MEIOC: variants seen among roughly 807,000 people sequenced by gnomAD.
The protein encoded by MEIOC is meiosis specific with coiled-coil domain.
Under a neutral mutation model 85.3 loss-of-function variants are expected in MEIOC, and 9 were observed. The ratio of observed to expected loss-of-function variants is 0.11; its 90% CI spans 0.06 to 0.18. The LOEUF (loss-of-function observed/expected upper bound fraction) is 0.18. MEIOC is among the 10% of genes least tolerant of loss of function. The pLI, the probability that MEIOC is intolerant of heterozygous loss-of-function variation, is 1.00. For missense variants in MEIOC, 898 were observed against 1,129.4 expected (o/e 0.80, Z 2.94); for synonymous variants, 365 against 393.7 (o/e 0.93, Z 0.86).
intron 2 of MEIOC, among the ~76,000 whole-genome samples, chr17:44,658,023 T>C (rs532038305): frequency 6.6e-6 from 1 of 151,494 alleles, no homozygotes; most frequent in Admixed American, 6.6e-5. Flanking sequence ...GGCTAATTTT[T>C]GTATTGTTTT....
rs979565762 is a variant in MEIOC, at chr17:44,665,148, A to G, written c.360-236A>G. On this transcript the variant is annotated intron_variant, in intron 3 of 7. Transcript: ENST00000409122. ...GTGGAGAAATAAGAGGTAAGCATGC[A>G]CTGTAAGTTAGATATAGGATTTGAA... is the stretch of plus-strand genomic sequence containing the variant. The G allele has an allele frequency of 8.5e-6, 9 of 1,057,552 alleles. No homozygotes were observed. The African/African-American group carries it at 1.2e-4, about 14-fold the overall frequency. The allele number at this position is 1,057,552 out of a possible 1,614,324, so 65.5% of individuals were successfully genotyped here.
At chr17:44,658,902 C>T (rs548421052) in intron 2 of MEIOC, among the ~76,000 whole-genome samples, 9 of 151,520 alleles carry the variant, frequency 5.9e-5, no homozygotes, top group African/African-American at 2.2e-4. Context: ...TAAGAAAATC[C>T]ATTATTTAGT....
rs1050263239 is a variant in MEIOC, at chr17:44,666,768, A to T, written c.857A>T (p.Asp286Val). The T allele has an allele frequency of 6.2e-7, 1 of 1,613,622 alleles. No individual in the cohort carries two copies. Among genetic ancestry groups the T allele is most frequent in the Non-Finnish European group, 8.5e-7 (1 of 1,179,806 alleles). ...LSDIMKESGV[D>V]IYHYGRDRIC... ...GATATCATGAAAGAATCAGGAGTTG[A>T]TATCTACCATTATGGAAGAGACAGA... Residue 286 changes from aspartate to valine, a missense_variant, in exon 5 of 8, where the codon GAT becomes GTT. Around this residue, in one of 2 missense-constraint regions of MEIOC, gnomAD observed 734 missense variants for 860.1 expected, o/e 0.85. Coordinates refer to ENST00000409122, the MANE Select transcript of MEIOC (RefSeq NM_001145080.3).
chr17:44,675,289 A>C lies in MEIOC; in HGVS notation c.*1093A>C, dbSNP rs1359009733. 1.0e-6 allele frequency: 1 copy of C among 980,550 alleles called. No individual in the cohort carries two copies. Among genetic ancestry groups the C allele is most frequent in the Non-Finnish European group, 1.2e-6 (1 of 825,680 alleles). 60.7% of individuals were successfully genotyped at this position (980,550 alleles called of 1,614,324 possible). A position where few individuals can be genotyped will look rare whatever the true frequency, so the allele number is the denominator to read the frequency against. ...TTTTTTTAAAACTATTGAAAGCTTA[A>C]CTTTTTCTGTTTCTCATCACTTAGT... On this transcript the variant is annotated 3_prime_UTR_variant, in exon 8 of 8. Coordinates refer to ENST00000409122, the MANE Select transcript of MEIOC (RefSeq NM_001145080.3).
In MEIOC at chr17:44,656,604, G is replaced by T; in HGVS notation, c.-10G>T. 1 of 1,471,878 alleles carries T rather than the reference G, an allele frequency of 6.8e-7. No individual in the cohort carries two copies. 91.2% of individuals were successfully genotyped at this position (1,471,878 alleles called of 1,614,324 possible). ...CTGTGCCTAGTCCAGGAGAGGCTGGGGGGCGCCCCATGGAGGTGAGACGCG... is the reference window on the plus strand; with the variant it reads ...CTGTGCCTAGTCCAGGAGAGGCTGGTGGGCGCCCCATGGAGGTGAGACGCG... On this transcript the variant is annotated 5_prime_UTR_variant, in exon 1 of 8. Coordinates refer to ENST00000409122, the MANE Select transcript of MEIOC (RefSeq NM_001145080.3).
Position 44,656,601 on chromosome 17 carries a change from TG to T in MEIOC, c.-7del, listed in dbSNP as rs779543413. ...GAGCTGTGCCTAGTCCAGGAGAGGC[TG>T]GGGGGCGCCCCATGGAGGTGAGACG... On this transcript the variant is annotated 5_prime_UTR_variant, in exon 1 of 8. Coordinates refer to ENST00000409122, the MANE Select transcript of MEIOC (RefSeq NM_001145080.3). 3.0e-5 allele frequency: 44 copies of T among 1,468,164 alleles called. No homozygotes were observed. In the African/African-American group the frequency reaches 5.0e-4, roughly 17 times the overall value. The allele number at this position is 1,468,164 out of a possible 1,614,324, so 90.9% of individuals were successfully genotyped here.
chr17:44,669,579 G>A (rs568078219), intron 6 of MEIOC, 62 bp downstream of exon 6: 7 of 1,521,142 alleles, frequency 4.6e-6, no homozygotes, highest in Non-Finnish European at 6.2e-6. Context: ...TAAGTTTCAG[G>A]CCAGGCGTGG....
chr17:44,657,405 A>T (rs1413346948), intron 2 of MEIOC, 144 bp downstream of exon 2: 5 of 700,546 alleles, frequency 7.1e-6, no homozygotes, highest in Non-Finnish European at 8.5e-6. Flanking sequence ...TTTTTTTGAG[A>T]CAGAGTCTTG....
In MEIOC at chr17:44,673,390, G is replaced by C; in HGVS notation, c.2482G>C (p.Glu828Gln). 6.5e-7 allele frequency: 1 copy of C among 1,543,156 alleles called. No homozygotes were observed. The highest frequency in any genetic ancestry group is 8.7e-7 in the Non-Finnish European group (1 of 1,144,524). The change falls in exon 7 of 8, where the codon GAA becomes CAA. Residue 828 changes from glutamate (E) to glutamine (Q), a missense_variant. By Grantham distance (29) the Glu-to-Gln change is conservative (BLOSUM62 2). Transcript: ENST00000409122. The part of the protein sequence containing the change: ...ARVVTLLGKM[E>Q]RLRSSLLHAS... ...GGTTGTGACTTTACTAGGCAAAATG[G>C]AACGTCTTCGGAGTTCTCTTCTTCA...
chr17:44,663,019 G>T (rs2144661672), intron 3 of MEIOC, among the ~76,000 whole-genome samples: 1 of 152,194 alleles, frequency 6.6e-6, no homozygotes, highest in East Asian at 1.9e-4. Flanking sequence ...TAAATCTTAA[G>T]TTCTTCTTTC....
At position 44,667,079 on chromosome 17, in the gene MEIOC, C is replaced by G; in HGVS notation, c.1168C>G (p.Gln390Glu). ...KKMEETIPDQ[Q>E]NFTFPKTTPH... ...AATGGAGGAGACAATCCCTGATCAG[C>G]AGAATTTCACATTTCCAAAAACTAC... The change falls in exon 5 of 8, where the codon CAG becomes GAG. Residue 390 changes from glutamine to glutamate, a missense_variant. By Grantham distance (29) the Gln-to-Glu change is conservative. This residue lies in a region of MEIOC where 734 missense variants were observed against 860.1 expected (regional missense o/e 0.85). Transcript: ENST00000409122. 1 of 1,613,668 alleles carries G rather than the reference C, an allele frequency of 6.2e-7. No homozygotes were observed.
At chr17:44,662,280 T>G in intron 2 of MEIOC, 37 bp from the exon 3 acceptor site, 1 of 1,480,556 alleles carries the variant, frequency 6.8e-7, no homozygotes, top group Non-Finnish European at 9.1e-7. Flanking sequence ...CAAATGAAGT[T>G]TTGATGTGTC....
Position 44,666,367 on chromosome 17 carries a change from T to C in MEIOC, c.465-9T>C, listed in dbSNP as rs1162905247. 1 of 1,514,604 alleles carries C rather than the reference T, an allele frequency of 6.6e-7. No individual in the cohort carries two copies. 93.8% of individuals were successfully genotyped at this position (1,514,604 alleles called of 1,614,324 possible). ...CTAAGTTGTAATTAAATATATTTAT[T>C]TGTTCTAGGACCTGCTCCTCCAATT... On this transcript the variant is annotated splice_polypyrimidine_tract_variant and intron_variant, in intron 4 of 7. Transcript: ENST00000409122.
chr17:44,665,866 T>G (rs1046042256), intron 4 of MEIOC, among the ~76,000 whole-genome samples: 2 of 152,164 alleles, frequency 1.3e-5, no homozygotes, highest in Non-Finnish European at 2.9e-5. Context: ...GTTAGAAAAT[T>G]TTGTAATGTT....
At chr17:44,657,335 TG>T in intron 2 of MEIOC, 74 bp downstream of exon 2, 1 of 1,383,712 alleles carries the variant, frequency 7.2e-7, no homozygotes, top group Non-Finnish European at 9.9e-7. Context: ...GATTCATAGG[TG>T]TTTAATGGCT....
intron 6 of MEIOC, among the ~76,000 whole-genome samples, chr17:44,671,881 G>C (rs1445405843): frequency 1.3e-5 from 2 of 150,206 alleles, no homozygotes; most frequent in Non-Finnish European, 3.0e-5. Flanking sequence ...ACTCCAGCCT[G>C]GGCGACAGAG....
At chr17:44,663,270 G>GATC (rs1971863362) in intron 3 of MEIOC, among the ~76,000 whole-genome samples, 1 of 147,622 alleles carries the variant, frequency 6.8e-6, no homozygotes, top group South Asian at 2.1e-4. Flanking sequence ...TTATAATCTT[G>GATC]ATGATGATGA....
At chr17:44,668,822 G>A (rs150923765) in intron 5 of MEIOC, among the ~76,000 whole-genome samples, 1 of 152,342 alleles carries the variant, frequency 6.6e-6, no homozygotes, top group East Asian at 1.9e-4. Flanking sequence ...TTGCCCTGAA[G>A]TAGATTTTTT....
At chr17:44,673,574 A>G (rs189223537) in intron 7 of MEIOC, 28 bp downstream of exon 7, 1 of 1,490,400 alleles carries the variant, frequency 6.7e-7, no homozygotes. Context: ...TATTCTTGTG[A>G]TAAGTCAGTG....
Sources: allele counts gnomAD v4.1 joint callset (sites outside exome capture counted in the v4.1 genomes callset), GRCh38; gene constraint gnomAD v4.1.1; regional missense constraint gnomAD v4.1.1; transcripts MANE v1.5; gene names NCBI Gene and HGNC (gene_info 2026-07-23, HGNC 2026-07-21).